PPP1R9A: variants seen among roughly 807,000 people sequenced by gnomAD.
PPP1R9A encodes protein phosphatase 1 regulatory subunit 9A.
A neutral mutation model predicts 141.9 loss-of-function variants in PPP1R9A; 59 were observed. The observed-to-expected ratio is 0.42, with a 90% CI of 0.34 to 0.52. The LOEUF is 0.52. Ranked by LOEUF, PPP1R9A falls within the 20% of genes least tolerant of loss-of-function variation. The pLI is 0.10. For synonymous variants in PPP1R9A, 500 were observed against 569.7 expected (o/e 0.88, Z 1.74); for missense variants, 1,444 against 1,611.9 (o/e 0.90, Z 1.78).
chr7:95,185,468 C>G (rs1197519511), intron 5 of PPP1R9A, among the ~76,000 whole-genome samples: 1 of 151,998 alleles, frequency 6.6e-6, no homozygotes, highest in African/African-American at 2.4e-5. Context: ...TTTTCTCCCA[C>G]TCTTGGGGTT....
chr7:95,082,557 T>G (rs1338275365), intron 2 of PPP1R9A, among the ~76,000 whole-genome samples: 1 of 151,586 alleles, frequency 6.6e-6, no homozygotes, highest in Non-Finnish European at 1.5e-5. Flanking sequence ...CTGGGCAACA[T>G]AGCGAGACAC....
intron 2 of PPP1R9A, among the ~76,000 whole-genome samples, chr7:95,041,720 A>T (rs1017012729): frequency 6.6e-6 from 1 of 152,094 alleles, no homozygotes; most frequent in Non-Finnish European, 1.5e-5. Flanking sequence ...ACATGTCCTT[A>T]AGGAGTACTA....
rs1805305868 is a variant in PPP1R9A at position 95,286,269 on chromosome 7, G to A, written c.3673G>A (p.Gly1225Arg). Residue 1225 changes from glycine (G) to arginine (R), a missense_variant, in exon 18 of 20, where the codon GGA (glycine) becomes AGA (arginine). By Grantham distance (125) the Gly-to-Arg change is moderately radical. Transcript: ENST00000433360. ...CAGTTCAGCAGACCTCAGCGGCTTA[G>A]GAGCAGAACCTAAAACACCAGGGCT... ...STSSADLSGL[G>R]AEPKTPGLSQ... is the part of the protein sequence containing the mutation. 6 of 1,613,716 alleles carry A rather than the reference G, an allele frequency of 3.7e-6. No homozygotes were observed. Among genetic ancestry groups the A allele is most frequent in the Non-Finnish European group, 5.1e-6 (6 of 1,179,738 alleles).
chr7:95,156,560 G>A (rs1210063200), intron 4 of PPP1R9A: 1 of 152,396 alleles, frequency 6.6e-6, no homozygotes, highest in Non-Finnish European at 1.5e-5. Context: ...CGAGATGAAG[G>A]GGAGCTTTAT....
At chr7:95,117,806 A>T (rs1016383381) in intron 3 of PPP1R9A, among the ~76,000 whole-genome samples, 7 of 152,190 alleles carry the variant, frequency 4.6e-5, no homozygotes, top group African/African-American at 1.4e-4. Flanking sequence ...GAGTATAATG[A>T]AAGTGAGCAA....
intron 2 of PPP1R9A, among the ~76,000 whole-genome samples, chr7:94,991,644 A>G (rs904306296): frequency 6.6e-6 from 1 of 150,764 alleles, no homozygotes; most frequent in African/African-American, 2.4e-5. Context: ...ACCACTCTTT[A>G]TATTTTTTTA....
chr7:95,212,961 C>G (rs1792451412), intron 7 of PPP1R9A, among the ~76,000 whole-genome samples: 1 of 152,078 alleles, frequency 6.6e-6, no homozygotes, highest in Non-Finnish European at 1.5e-5. Context: ...ATCATATGCT[C>G]TGAGATAGAC....
intron 18 of PPP1R9A, among the ~76,000 whole-genome samples, chr7:95,287,773 C>T (rs1805620071): frequency 6.6e-6 from 1 of 152,164 alleles, no homozygotes; most frequent in African/African-American, 2.4e-5. Flanking sequence ...GCAACCTCCA[C>T]CTCCTGGATT....
At chr7:95,206,347 A>AT (rs921992566) in intron 7 of PPP1R9A, among the ~76,000 whole-genome samples, 4 of 152,104 alleles carry the variant, frequency 2.6e-5, no homozygotes, top group Non-Finnish European at 1.5e-5. Context: ...TCCTAAAGGG[A>AT]TTTTTTTAAT....
Position 95,059,248 on chromosome 7 carries a change from A to G in PPP1R9A, c.1396-52011A>G, listed in dbSNP as rs185419449. 2.1e-3 allele frequency among the ~76,000 whole-genome samples: 327 copies of G among 152,330 alleles called. 5 individuals carry two copies. The highest frequency in any genetic ancestry group is 9.1e-3 in the South Asian group (44 of 4,832). On this transcript the variant is annotated intron_variant, in intron 2 of 19. Coordinates refer to ENST00000433360, the MANE Select transcript of PPP1R9A (RefSeq NM_001166160.2). ...AAAAATACAAATTTTATTAAAAGGT[A>G]TAGGCTAAGATTTATTTTACCAGTC...
intron 4 of PPP1R9A, among the ~76,000 whole-genome samples, chr7:95,125,443 A>G (rs1386835634): frequency 6.6e-6 from 1 of 152,156 alleles, no homozygotes. Context: ...AAATACATTG[A>G]CTATTAGTTT....
intron 2 of PPP1R9A, among the ~76,000 whole-genome samples, chr7:94,928,277 G>C (rs752105781): frequency 1.3e-5 from 2 of 152,098 alleles, no homozygotes; most frequent in Non-Finnish European, 2.9e-5. Flanking sequence ...ATGTAGGCAG[G>C]TGGTAGTTCA....
At chr7:94,944,033 A>G (rs938962165) in intron 2 of PPP1R9A, among the ~76,000 whole-genome samples, 2 of 152,136 alleles carry the variant, frequency 1.3e-5, no homozygotes, top group African/African-American at 4.8e-5. Flanking sequence ...AAATTGATAT[A>G]TAATAGTTGT....
intron 2 of PPP1R9A, among the ~76,000 whole-genome samples, chr7:94,933,139 G>GT (rs1195975933): frequency 6.6e-6 from 1 of 151,960 alleles, no homozygotes; most frequent in African/African-American, 2.4e-5. Context: ...TTTCAGTGCT[G>GT]TAATTATTAA....
chr7:95,003,134 T>C (rs896184771), intron 2 of PPP1R9A, among the ~76,000 whole-genome samples: 17 of 152,324 alleles, frequency 1.1e-4, no homozygotes, highest in African/African-American at 3.6e-4. Context: ...TGATTGTGTC[T>C]TTCTTTTCTT....
rs950067713 is a variant in PPP1R9A at position 95,066,348 on chromosome 7, T to C, written c.1396-44911T>C. Among the ~76,000 whole-genome samples, 3 of 152,156 alleles carry C rather than the reference T, an allele frequency of 2.0e-5. No individual in the cohort carries two copies. In the East Asian group the frequency reaches 5.8e-4, roughly 29 times the overall value. ...AGAAGATAAGTTTCTGTTTAAGTCATCCAGACTGTGGTATTTTGTTATGGC... is the reference window on the plus strand; with the variant it reads ...AGAAGATAAGTTTCTGTTTAAGTCACCCAGACTGTGGTATTTTGTTATGGC... On this transcript the variant is annotated intron_variant, in intron 2 of 19. Coordinates refer to ENST00000433360, the MANE Select transcript of PPP1R9A (RefSeq NM_001166160.2).
At chr7:95,160,946 T>C (rs894528873) in intron 4 of PPP1R9A, among the ~76,000 whole-genome samples, 1 of 152,232 alleles carries the variant, frequency 6.6e-6, no homozygotes, top group Non-Finnish European at 1.5e-5. Flanking sequence ...TTTAGGTTGA[T>C]TCCATGTCTT....
At chr7:95,273,503 A>C (rs1466482945) in intron 14 of PPP1R9A, among the ~76,000 whole-genome samples, 1 of 152,214 alleles carries the variant, frequency 6.6e-6, no homozygotes, top group Admixed American at 6.5e-5. Context: ...GTTAGAAGGC[A>C]CTACAACCCC....
chr7:95,254,950 A>G (rs944595244), intron 12 of PPP1R9A, among the ~76,000 whole-genome samples: 3 of 152,190 alleles, frequency 2.0e-5, no homozygotes, highest in Non-Finnish European at 2.9e-5. Flanking sequence ...AACAATCATC[A>G]GTACAAATTT....
Sources: allele counts gnomAD v4.1 joint callset (sites outside exome capture counted in the v4.1 genomes callset), GRCh38; gene constraint gnomAD v4.1.1; transcripts MANE v1.5; gene names NCBI Gene and HGNC (gene_info 2026-07-23, HGNC 2026-07-21).